Variants in EPHA6 observed in about 807,000 individuals in gnomAD.
EPHA6 encodes the protein EPH receptor A6.
In EPHA6, 50 loss-of-function variants were observed where a neutral mutation model predicts 112.0. The ratio of observed to expected loss-of-function variants is 0.45; its 90% confidence interval spans 0.36 to 0.56. EPHA6 has a LOEUF of 0.56. Among genes scored for constraint, EPHA6 ranks in the 20% least tolerant of loss-of-function variants. The probability of loss-of-function intolerance (pLI) is 0.00; values close to 1 mark genes in which losing one functional copy is unlikely to be tolerated. For missense variants in EPHA6, 1,280 were observed against 1,417.4 expected, an observed-to-expected ratio of 0.90 and a Z score of 1.56; for synonymous variants, 529 against 490.7, an observed-to-expected ratio of 1.08 and a Z score of -1.03.
At chr3:97,466,749 TA>T (rs558204142) in intron 7 of EPHA6, among the ~76,000 whole-genome samples, 163 of 152,064 alleles carry the variant, frequency 1.1e-3, no homozygotes, top group Non-Finnish European at 1.9e-3. Flanking sequence ...AGTTTCAGTT[TA>T]AATTATTATG....
At chr3:96,888,021 C>T (rs1446489771) in intron 2 of EPHA6, among the ~76,000 whole-genome samples, 3 of 152,098 alleles carry the variant, frequency 2.0e-5, no homozygotes, top group South Asian at 2.1e-4. Flanking sequence ...TACCCACCTC[C>T]CAGCTGTGAA....
chr3:96,962,265 G>C (rs903620075), intron 2 of EPHA6, among the ~76,000 whole-genome samples: 5 of 151,860 alleles, frequency 3.3e-5, no homozygotes, highest in African/African-American at 1.2e-4. Flanking sequence ...AAAGTTAATT[G>C]GTGTCAGACC....
intron 2 of EPHA6, among the ~76,000 whole-genome samples, chr3:96,932,163 T>G (rs1163429149): frequency 6.6e-6 from 1 of 152,158 alleles, no homozygotes; most frequent in East Asian, 1.9e-4. Context: ...CTTTTCTTCA[T>G]TCTCTGTGGA....
intron 12 of EPHA6, among the ~76,000 whole-genome samples, chr3:97,604,519 T>G (rs2093665753): frequency 6.6e-6 from 1 of 151,756 alleles, no homozygotes; most frequent in Non-Finnish European, 1.5e-5. Flanking sequence ...AAACTTTTTG[T>G]GACATAGTGT....
chr3:97,761,352 T>C lies in EPHA6; in HGVS notation c.*12651T>C, dbSNP rs2036163668. ...TCATCTATTTGCTGAAAGAATATGC[T>C]GTTTAGCAAACTACCTGCTGAGCAA... On this transcript the variant is annotated 3_prime_UTR_variant, in exon 18 of 18. Coordinates refer to ENST00000389672, the MANE Select transcript of EPHA6 (RefSeq NM_001080448.3). The C allele has an allele frequency of 1.1e-5, 2 of 188,616 alleles. No individual in the cohort carries two copies. Among genetic ancestry groups the C allele is most frequent in the Admixed American group, 1.2e-4 (2 of 16,198 alleles). 11.7% of individuals were successfully genotyped at this position (188,616 alleles called of 1,614,324 possible).
intron 6 of EPHA6, among the ~76,000 whole-genome samples, chr3:97,418,713 A>G (rs1230765028): frequency 6.6e-6 from 1 of 152,232 alleles, no homozygotes; most frequent in Non-Finnish European, 1.5e-5. Context: ...TTCCAAAACG[A>G]TAGTATAAGA....
intron 13 of EPHA6, among the ~76,000 whole-genome samples, chr3:97,616,192 C>T (rs1360492803): frequency 6.6e-6 from 1 of 152,110 alleles, no homozygotes; most frequent in Non-Finnish European, 1.5e-5. Context: ...CAACCAGGCA[C>T]TGGAGCAGAC....
chr3:97,336,919 A>T (rs1293666695), intron 5 of EPHA6, among the ~76,000 whole-genome samples: 1 of 151,552 alleles, frequency 6.6e-6, no homozygotes, highest in East Asian at 1.9e-4. Flanking sequence ...TCCCTCCCAG[A>T]TTATCTGGGA....
At chr3:97,055,678 T>A (rs2045829615) in intron 3 of EPHA6, among the ~76,000 whole-genome samples, 1 of 152,192 alleles carries the variant, frequency 6.6e-6, no homozygotes, top group South Asian at 2.1e-4. Flanking sequence ...CACTTGCAAA[T>A]GATTTTTCTA....
Position 97,680,701 on chromosome 3 carries a change from C to T in EPHA6, c.2785-39560C>T, listed in dbSNP as rs112462780. On this transcript the variant is annotated intron_variant, in intron 14 of 17. Coordinates refer to ENST00000389672, the MANE Select transcript of EPHA6 (RefSeq NM_001080448.3). ...AAACTAATGGCAGAGATCATATCCC[C>T]AGTGTCAAACCCAGCTTGTGGCACA... Among the ~76,000 whole-genome samples, 885 of 152,256 alleles carry T rather than the reference C, an allele frequency of 5.8e-3. 4 individuals are homozygous for T. The highest frequency in any genetic ancestry group is 0.02 in the African/African-American group (837 of 41,552).
At chr3:97,407,064 T>TTGAGGATGAAAC (rs1577273350) in intron 6 of EPHA6, among the ~76,000 whole-genome samples, 1 of 152,120 alleles carries the variant, frequency 6.6e-6, no homozygotes, top group East Asian at 1.9e-4. Flanking sequence ...TTATAGTCAT[T>TTGAGGATGAAAC]TATACCTGAT....
At chr3:97,030,532 C>G (rs1171162804) in intron 3 of EPHA6, among the ~76,000 whole-genome samples, 1 of 152,014 alleles carries the variant, frequency 6.6e-6, no homozygotes, top group African/African-American at 2.4e-5. Context: ...TTTTCCTTAG[C>G]CACTAAAGTT....
chr3:97,329,506 A>T (rs1160238051), intron 5 of EPHA6, among the ~76,000 whole-genome samples: 41 of 149,380 alleles, frequency 2.7e-4, no homozygotes, highest in African/African-American at 9.2e-4. Flanking sequence ...AATGATTGCC[A>T]TTCTAACTGG....
intron 3 of EPHA6, among the ~76,000 whole-genome samples, chr3:97,100,116 A>G (rs1292183650): frequency 1.3e-5 from 2 of 151,932 alleles, no homozygotes; most frequent in African/African-American, 4.8e-5. Flanking sequence ...AGGAGGAACT[A>G]GCAAAACAAA....
chr3:96,837,049 G>A (rs779289077), intron 1 of EPHA6, among the ~76,000 whole-genome samples: 1 of 152,094 alleles, frequency 6.6e-6, no homozygotes, highest in African/African-American at 2.4e-5. Flanking sequence ...AGGGCATCTA[G>A]ACTGAGTGAT....
chr3:97,690,475 T>C (rs2032586268), intron 14 of EPHA6, among the ~76,000 whole-genome samples: 1 of 152,134 alleles, frequency 6.6e-6, no homozygotes, highest in African/African-American at 2.4e-5. Context: ...CGCCCTTTTT[T>C]TTTTTTTTGG....
chr3:97,022,071 T>C (rs1432089944), intron 3 of EPHA6, among the ~76,000 whole-genome samples: 1 of 152,158 alleles, frequency 6.6e-6, no homozygotes, highest in Non-Finnish European at 1.5e-5. Context: ...GAGAAAACAT[T>C]TGTTGAATAA....
At chr3:97,283,074 C>T (rs1200498991) in intron 5 of EPHA6, among the ~76,000 whole-genome samples, 3 of 152,140 alleles carry the variant, frequency 2.0e-5, no homozygotes, top group Admixed American at 1.3e-4. Flanking sequence ...AAGAATAGTA[C>T]TGGAAAATTA....
rs185960650 is a variant in EPHA6 at position 97,522,801 on chromosome 3, T to C, written c.2201-9557T>C. Among the ~76,000 whole-genome samples the C allele has an allele frequency of 1.2e-3, 188 of 152,292 alleles. 2 individuals carry two copies. The highest frequency in any genetic ancestry group is 4.3e-3 in the African/African-American group (180 of 41,592). On this transcript the variant is annotated intron_variant, in intron 10 of 17. Coordinates refer to ENST00000389672, the MANE Select transcript of EPHA6 (RefSeq NM_001080448.3). The stretch of plus-strand genomic sequence containing the variant: ...TGTTTCTAGGAATTTATCAATTTCT[T>C]CTAAATTATCCAATTTATAAGCGTA...
Sources: allele counts gnomAD v4.1 joint callset (sites outside exome capture counted in the v4.1 genomes callset), GRCh38; gene constraint gnomAD v4.1.1; transcripts MANE v1.5; gene names NCBI Gene and HGNC (gene_info 2026-07-23, HGNC 2026-07-21).